Variants in CSMD3 observed in about 807,000 individuals in gnomAD.
The protein encoded by CSMD3 is CUB and sushi domain-containing protein 3.
Under a neutral mutation model 435.2 loss-of-function variants are expected in CSMD3, and 177 were observed. The ratio of observed to expected loss-of-function variants is 0.41; its 90% CI spans 0.36 to 0.46. The LOEUF (loss-of-function observed/expected upper bound fraction) is 0.46, where lower values mean the gene tolerates loss of function less well. Among genes scored for constraint, CSMD3 ranks in the 20% least tolerant of loss-of-function variants. The probability of loss-of-function intolerance (pLI) is 0.34; values close to 1 mark genes in which losing one functional copy is unlikely to be tolerated. For synonymous variants in CSMD3, 1,656 were observed against 1,520.5 expected (o/e 1.09, Z -2.07); for missense variants, 4,265 against 4,504.6 (o/e 0.95, Z 1.52).
At position 112,906,138 on chromosome 8, in the gene CSMD3, TTTC is replaced by T. The variant is rs1406678839; in HGVS notation, c.1633+15486_1633+15488del. ...CCTCCAGAACTGTGAGAAAGAAACA[TTTC>T]TTCTTTAAGACACCGAATCTATGGC... is the stretch of plus-strand genomic sequence containing the variant. On this transcript the variant is annotated intron_variant, in intron 10 of 70. Coordinates refer to ENST00000297405, the MANE Select transcript of CSMD3 (RefSeq NM_198123.2). Among the ~76,000 whole-genome samples, 4 of 151,322 alleles carry T rather than the reference TTTC, an allele frequency of 2.6e-5. No homozygotes were observed. The East Asian group carries it at 7.8e-4, about 30-fold the overall frequency.
At chr8:112,996,058 A>G (rs1409406045) in intron 6 of CSMD3, among the ~76,000 whole-genome samples, 1 of 151,448 alleles carries the variant, frequency 6.6e-6, no homozygotes, top group African/African-American at 2.4e-5. Flanking sequence ...GGAATGGCTA[A>G]GTTAAGCTAA....
At chr8:113,034,306 A>AT (rs147834647) in intron 5 of CSMD3, among the ~76,000 whole-genome samples, 7,298 of 151,676 alleles carry the variant, frequency 0.048, 404 homozygotes, top group Non-Finnish European at 0.071. Flanking sequence ...CCAATTGTTC[A>AT]TCAACTGATG....
At chr8:113,290,772 T>C (rs1004674031) in intron 2 of CSMD3, among the ~76,000 whole-genome samples, 1 of 151,660 alleles carries the variant, frequency 6.6e-6, no homozygotes, top group Admixed American at 6.6e-5. Flanking sequence ...TGTTTTCAAA[T>C]GATCATTATT....
At chr8:113,296,291 T>TATAATAATA (rs4027872) in intron 2 of CSMD3, among the ~76,000 whole-genome samples, 14,239 of 146,104 alleles carry the variant, frequency 0.097, 1,370 homozygotes, top group African/African-American at 0.23. Context: ...GAACTTAAAG[T>TATAATAATA]ATAATAATAA....
intron 3 of CSMD3, among the ~76,000 whole-genome samples, chr8:113,184,624 C>G (rs990764041): frequency 6.6e-6 from 1 of 152,058 alleles, no homozygotes; most frequent in Non-Finnish European, 1.5e-5. Context: ...CAACTCAAAA[C>G]GTATGGCCAA....
intron 13 of CSMD3, among the ~76,000 whole-genome samples, chr8:112,796,537 G>A (rs964074414): frequency 1.3e-5 from 2 of 152,030 alleles, no homozygotes; most frequent in African/African-American, 2.4e-5. Flanking sequence ...TTGCTCTAAT[G>A]TTCCTTAAGC....
rs2130776349 is a variant in CSMD3 at position 112,304,710 on chromosome 8, T to C, written c.8266+11A>G. The C allele has an allele frequency of 6.3e-7, 1 of 1,591,306 alleles. No individual in the cohort carries two copies. Among genetic ancestry groups the C allele is most frequent in the Non-Finnish European group, 8.6e-7 (1 of 1,159,280 alleles). On this transcript the variant is annotated intron_variant, in intron 52 of 70. Coordinates refer to ENST00000297405, the MANE Select transcript of CSMD3 (RefSeq NM_198123.2). The stretch of plus-strand genomic sequence containing the variant: ...AGCTTATGAAATAAGTTTAGCAGAG[T>C]GTATACTTACTTTGGCAATATGGTC...
chr8:112,824,214 T>A (rs984191701), intron 12 of CSMD3, among the ~76,000 whole-genome samples: 2 of 152,074 alleles, frequency 1.3e-5, no homozygotes, highest in African/African-American at 4.8e-5. Flanking sequence ...ATAAGATGGG[T>A]CTCCTGAATA....
intron 24 of CSMD3, among the ~76,000 whole-genome samples, chr8:112,569,920 G>A (rs999792548): frequency 1.3e-5 from 2 of 152,024 alleles, no homozygotes; most frequent in African/African-American, 4.8e-5. Context: ...CTAGACAAAT[G>A]TTCTCGCTCC....
intron 1 of CSMD3, chr8:113,376,858 T>G (rs2094387346): frequency 6.2e-7 from 1 of 1,611,572 alleles, no homozygotes. Flanking sequence ...TCTGCCCCTT[T>G]CCCGGATGAT....
intron 32 of CSMD3, among the ~76,000 whole-genome samples, chr8:112,448,100 T>C (rs1223192856): frequency 1.3e-5 from 2 of 152,150 alleles, no homozygotes; most frequent in East Asian, 3.9e-4. Flanking sequence ...CCTCACAGTT[T>C]TGGAGGCTAA....
intron 3 of CSMD3, among the ~76,000 whole-genome samples, chr8:113,226,734 T>C (rs916343161): frequency 2.0e-5 from 3 of 151,622 alleles, no homozygotes; most frequent in Non-Finnish European, 3.0e-5. Flanking sequence ...ATTAAAAGCC[T>C]TAAAACTCTT....
intron 1 of CSMD3, among the ~76,000 whole-genome samples, chr8:113,382,144 A>G (rs2094418769): frequency 6.6e-6 from 1 of 152,154 alleles, no homozygotes; most frequent in South Asian, 2.1e-4. Context: ...GTTTTTACAA[A>G]ATTATAATTC....
At chr8:113,308,630 T>A (rs531016289) in intron 2 of CSMD3, among the ~76,000 whole-genome samples, 1 of 152,220 alleles carries the variant, frequency 6.6e-6, no homozygotes, top group Non-Finnish European at 1.5e-5. Context: ...TGGTATATTG[T>A]TCAATATTTA....
chr8:112,532,148 G>C (rs116791506), intron 27 of CSMD3, among the ~76,000 whole-genome samples: 5 of 151,900 alleles, frequency 3.3e-5, no homozygotes. Flanking sequence ...AAGAATTCAT[G>C]ACATGGAAGA....
intron 13 of CSMD3, among the ~76,000 whole-genome samples, chr8:112,708,647 CTTT>C (rs34676109): frequency 5.4e-5 from 6 of 110,548 alleles, no homozygotes; most frequent in East Asian, 2.7e-4. Context: ...GGTAATGCTT[CTTT>C]TTTTTTTTTT....
chr8:113,023,616 T>C (rs181962680), intron 5 of CSMD3, among the ~76,000 whole-genome samples: 70 of 152,234 alleles, frequency 4.6e-4, no homozygotes, highest in African/African-American at 1.6e-3. Flanking sequence ...GAACTTTGCA[T>C]ATACTTCGCT....
At chr8:112,613,307 C>T (rs952417546) in intron 22 of CSMD3, among the ~76,000 whole-genome samples, 1 of 151,912 alleles carries the variant, frequency 6.6e-6, no homozygotes, top group Admixed American at 6.6e-5. Flanking sequence ...GGTTTGCTTG[C>T]TTAAACTTCT....
chr8:112,497,480 AAT>A (rs34936636), intron 30 of CSMD3, among the ~76,000 whole-genome samples: 81,776 of 144,444 alleles, frequency 0.57, 23,662 homozygotes, highest in African/African-American at 0.73. Context: ...GTACTCCATA[AAT>A]ATATATATAT....
Sources: allele counts gnomAD v4.1 joint callset (sites outside exome capture counted in the v4.1 genomes callset), GRCh38; gene constraint gnomAD v4.1.1; transcripts MANE v1.5; gene names NCBI Gene and HGNC (gene_info 2026-07-23, HGNC 2026-07-21).